PDE3B: variants seen among roughly 807,000 people sequenced by gnomAD.
PDE3B encodes the protein phosphodiesterase 3B.
In PDE3B, 66 loss-of-function variants were observed where a neutral mutation model predicts 116.8. The ratio of observed to expected loss-of-function variants is 0.56; its 90% confidence interval spans 0.46 to 0.69. PDE3B has a LOEUF of 0.69. Among genes scored for constraint, PDE3B ranks in the 30% least tolerant of loss-of-function variants. The probability of loss-of-function intolerance (pLI) is 0.00; values close to 1 mark genes in which losing one functional copy is unlikely to be tolerated. For synonymous variants in PDE3B, 595 were observed against 533.6 expected, an observed-to-expected ratio of 1.12 and a Z score of -1.59; for missense variants, 1,384 against 1,368.1, an observed-to-expected ratio of 1.01 and a Z score of -0.18.
chr11:14,687,252 A>C (rs1242647869), intron 1 of PDE3B, among the ~76,000 whole-genome samples: 2 of 152,196 alleles, frequency 1.3e-5, no homozygotes. Context: ...TTTATCAGGT[A>C]GGGAAGATAT....
intron 7 of PDE3B, among the ~76,000 whole-genome samples, chr11:14,829,496 G>T (rs918339351): frequency 1.3e-5 from 2 of 152,032 alleles, no homozygotes; most frequent in Non-Finnish European, 2.9e-5. Context: ...AAAAGAAGAT[G>T]TAGTATATAT....
At chr11:14,756,860 G>A (rs1479012571) in intron 1 of PDE3B, among the ~76,000 whole-genome samples, 1 of 150,014 alleles carries the variant, frequency 6.7e-6, no homozygotes, top group Non-Finnish European at 1.5e-5. Flanking sequence ...GTGCAGGTTA[G>A]TTACATATGT....
intron 5 of PDE3B, among the ~76,000 whole-genome samples, chr11:14,814,838 T>C (rs1233559062): frequency 6.6e-6 from 1 of 152,096 alleles, no homozygotes; most frequent in Non-Finnish European, 1.5e-5. Flanking sequence ...GGCGGGCACC[T>C]GTAGTCCCAG....
At chr11:14,658,237 C>A (rs927708601) in intron 1 of PDE3B, among the ~76,000 whole-genome samples, 2 of 152,304 alleles carry the variant, frequency 1.3e-5, no homozygotes, top group East Asian at 3.9e-4. Flanking sequence ...AGCAACAGTT[C>A]TTCCTCATAG....
intron 12 of PDE3B, among the ~76,000 whole-genome samples, chr11:14,844,740 C>T (rs751136797): frequency 1.1e-4 from 17 of 152,216 alleles, no homozygotes; most frequent in Non-Finnish European, 2.2e-4. Context: ...ATTGCTAGCA[C>T]AGCAGTCTGA....
At chr11:14,879,093 G>A in the PDE3B span, 36 of 1,569,422 alleles carry the variant, frequency 2.3e-5, no homozygotes, top group African/African-American at 2.7e-5. Flanking sequence ...CTAAAGTTAC[G>A]CCCCGTGAAA....
Position 14,838,984 on chromosome 11 carries a change from A to G in PDE3B, c.2320+3889A>G, listed in dbSNP as rs558611485. 4.6e-5 allele frequency among the ~76,000 whole-genome samples: 7 copies of G among 152,326 alleles called. No individual in the cohort carries two copies. In the South Asian group the frequency reaches 8.3e-4, roughly 18 times the overall value. On this transcript the variant is annotated intron_variant, in intron 11 of 15. Transcript: ENST00000282096. The stretch of plus-strand genomic sequence containing the variant: ...TGTTGAAATGGGGTGATCATATTCA[A>G]TTTTATCACCCATCCCTAATTTTAT...
chr11:14,735,404 G>A (rs998756791), intron 1 of PDE3B, among the ~76,000 whole-genome samples: 1 of 152,166 alleles, frequency 6.6e-6, no homozygotes, highest in Non-Finnish European at 1.5e-5. Flanking sequence ...GAGGAATACT[G>A]AAGAAATTAT....
intron 1 of PDE3B, among the ~76,000 whole-genome samples, chr11:14,659,383 C>G (rs1386325028): frequency 2.0e-5 from 3 of 152,144 alleles, no homozygotes. Flanking sequence ...TTAGACTGCA[C>G]TTTTGATTTC....
At chr11:14,817,956 C>T (rs192298493) in intron 5 of PDE3B, among the ~76,000 whole-genome samples, 75 of 151,966 alleles carry the variant, frequency 4.9e-4, no homozygotes, top group African/African-American at 1.7e-3. Context: ...AGATATTTAC[C>T]CAACAAGGGG....
the PDE3B span, among the ~76,000 whole-genome samples, chr11:14,885,589 A>G: frequency 6.6e-6 from 1 of 152,214 alleles, no homozygotes; most frequent in African/African-American, 2.4e-5. Context: ...CAATAGAATT[A>G]GCAATGTACT....
At chr11:14,771,847 GATAATT>G (rs938292127) in intron 1 of PDE3B, 84 bp from the exon 2 acceptor site, 16 of 497,618 alleles carry the variant, frequency 3.2e-5, no homozygotes, top group Middle Eastern at 3.5e-4. Flanking sequence ...AGCTATATTA[GATAATT>G]ATAATTGAAA....
At chr11:14,791,272 T>C (rs1034015144) in intron 4 of PDE3B, among the ~76,000 whole-genome samples, 24 of 152,250 alleles carry the variant, frequency 1.6e-4, no homozygotes, top group Admixed American at 1.6e-3. Flanking sequence ...TCTCATATCC[T>C]TGATTTTGAG....
At chr11:14,766,190 T>C (rs1857490195) in intron 1 of PDE3B, among the ~76,000 whole-genome samples, 1 of 151,762 alleles carries the variant, frequency 6.6e-6, no homozygotes, top group African/African-American at 2.4e-5. Context: ...TCTGTTTAGC[T>C]CAATGTTGAG....
chr11:14,895,676 G>A, the PDE3B span, among the ~76,000 whole-genome samples: 3 of 152,176 alleles, frequency 2.0e-5, no homozygotes, highest in African/African-American at 7.2e-5. Context: ...CCTTATGAAA[G>A]TCTCCCTGTG....
At chr11:14,666,185 G>A (rs1448848021) in intron 1 of PDE3B, among the ~76,000 whole-genome samples, 3 of 148,610 alleles carry the variant, frequency 2.0e-5, no homozygotes, top group Non-Finnish European at 4.5e-5. Context: ...AATGGGGAAA[G>A]GATTCCCTAT....
intron 2 of PDE3B, among the ~76,000 whole-genome samples, chr11:14,779,049 G>A (rs1008319556): frequency 2.0e-5 from 3 of 152,058 alleles, no homozygotes; most frequent in African/African-American, 7.2e-5. Context: ...TAGCCGATTC[G>A]ATCAAGTAGA....
At chr11:14,893,595 A>G in the PDE3B span, among the ~76,000 whole-genome samples, 3 of 152,286 alleles carry the variant, frequency 2.0e-5, no homozygotes, top group South Asian at 2.1e-4. Context: ...TTCAGCTTCT[A>G]GAGGCTGCCC....
At chr11:14,741,847 A>G (rs774144604) in intron 1 of PDE3B, among the ~76,000 whole-genome samples, 1 of 152,072 alleles carries the variant, frequency 6.6e-6, no homozygotes, top group Non-Finnish European at 1.5e-5. Context: ...TTTGTTTATC[A>G]AGCTTTAGTT....
Sources: gnomAD v4.1 joint callset for allele counts (sites outside exome capture counted in the v4.1 genomes callset) on GRCh38, gnomAD v4.1.1 for gene constraint, MANE v1.5 for transcripts, NCBI Gene and HGNC (gene_info 2026-07-23, HGNC 2026-07-21) for gene names.